Variants in TLL1 observed in about 807,000 individuals in gnomAD.
TLL1 encodes the protein tolloid like 1, also known as tolloid-like protein 1.
A neutral mutation model predicts 128.2 loss-of-function variants in TLL1; 49 were observed. That is an observed-to-expected ratio of 0.38 (90% CI 0.30 to 0.48). The LOEUF (loss-of-function observed/expected upper bound fraction) is 0.48. Ranked by LOEUF, TLL1 falls within the 20% of genes least tolerant of loss-of-function variation. The probability of loss-of-function intolerance (pLI) is 0.96; values close to 1 mark genes in which losing one functional copy is unlikely to be tolerated. For missense variants in TLL1, 1,123 were observed against 1,242.0 expected, an observed-to-expected ratio of 0.90 and a Z score of 1.44; for synonymous variants, 454 against 418.8, an observed-to-expected ratio of 1.08 and a Z score of -1.03.
intron 1 of TLL1, among the ~76,000 whole-genome samples, chr4:165,961,880 A>G (rs1220162609): frequency 6.6e-6 from 1 of 152,148 alleles, no homozygotes; most frequent in African/African-American, 2.4e-5. Context: ...TCATCTCAGT[A>G]GATGCAGAAA....
At chr4:166,093,136 A>G (rs1741852534) in intron 19 of TLL1, among the ~76,000 whole-genome samples, 2 of 152,190 alleles carry the variant, frequency 1.3e-5, no homozygotes, top group South Asian at 4.1e-4. Flanking sequence ...GAAAAGAAAT[A>G]AGACACGGAG....
intron 1 of TLL1, among the ~76,000 whole-genome samples, chr4:165,944,448 C>A (rs574495061): frequency 6.6e-6 from 1 of 152,056 alleles, no homozygotes. Context: ...GAAGGAAGAC[C>A]AGTGTTTCTG....
chr4:165,934,337 C>T (rs939852229), intron 1 of TLL1, among the ~76,000 whole-genome samples: 1 of 151,978 alleles, frequency 6.6e-6, no homozygotes, highest in Non-Finnish European at 1.5e-5. Flanking sequence ...TCTAAGTGCA[C>T]AATGCCTGCT....
chr4:165,962,518 C>G (rs535613881), intron 1 of TLL1, among the ~76,000 whole-genome samples: 2 of 152,216 alleles, frequency 1.3e-5, no homozygotes, highest in East Asian at 3.9e-4. Flanking sequence ...TTGGAGATTT[C>G]TCGAAGAACT....
intron 1 of TLL1, among the ~76,000 whole-genome samples, chr4:165,945,095 T>C (rs80074817): frequency 0.019 from 2,879 of 152,172 alleles, 95 homozygotes; most frequent in African/African-American, 0.065. Context: ...TTTGCAGAGT[T>C]AGCAAATAGA....
In TLL1 at chr4:166,103,602, T is replaced by C. The variant is rs1263445442; in HGVS notation, c.*2726T>C. On this transcript the variant is annotated 3_prime_UTR_variant, in exon 21 of 21. Coordinates refer to ENST00000061240, the MANE Select transcript of TLL1 (RefSeq NM_012464.5). ...ATAACTAGGTCTTCAACGTGAAAAT[T>C]AATTTTTATTGTATCATGTCAAGTA... 6.6e-6 allele frequency: 1 copy of C among 151,800 alleles called. No homozygotes were observed. Among genetic ancestry groups the C allele is most frequent in the Non-Finnish European group, 1.5e-5 (1 of 67,830 alleles). 9.4% of individuals were successfully genotyped at this position (151,800 alleles called of 1,614,324 possible). A position where few individuals can be genotyped will look rare whatever the true frequency, so the allele number is the denominator to read the frequency against.
intron 6 of TLL1, among the ~76,000 whole-genome samples, chr4:166,005,878 T>C (rs910361076): frequency 6.6e-6 from 1 of 151,860 alleles, no homozygotes; most frequent in Non-Finnish European, 1.5e-5. Context: ...GTAGTATAAA[T>C]AAATGCGCAA....
chr4:166,091,446 C>T (rs1476317593), intron 19 of TLL1, 105 bp downstream of exon 19: 5 of 968,698 alleles, frequency 5.2e-6, no homozygotes, highest in Non-Finnish European at 6.2e-6. Context: ...CCAAGCATAG[C>T]AGATAAAATT....
In TLL1 at chr4:165,995,167, T is replaced by C. The variant is rs778496143; in HGVS notation, c.621T>C (p.Tyr207=). 7 of 1,612,488 alleles carry C rather than the reference T, an allele frequency of 4.3e-6. No homozygotes were observed. The South Asian group carries it at 6.6e-5, about 15-fold the overall frequency. ...AAGAGAGTTACATTGTATTCACCTA[T>C]AGGCCTTGTGGGTAAGTAGAACTAG... The part of the protein sequence containing the change: ...SDEESYIVFT[Y]RPCGCCSYVG... The change falls in exon 5 of 21, where the codon TAT becomes TAC. Residue 207 remains tyrosine, a synonymous_variant. Transcript: ENST00000061240.
chr4:165,993,872 C>A (rs1307342414), intron 3 of TLL1, among the ~76,000 whole-genome samples: 1 of 151,986 alleles, frequency 6.6e-6, no homozygotes, highest in African/African-American at 2.4e-5. Context: ...AGGCTGAGAC[C>A]ATATTTGTCT....
At chr4:165,878,863 T>G (rs1350214575) in intron 1 of TLL1, among the ~76,000 whole-genome samples, 1 of 151,028 alleles carries the variant, frequency 6.6e-6, no homozygotes, top group Admixed American at 6.6e-5. Flanking sequence ...TAGAAAAGGC[T>G]TTTTGAAAAA....
intron 1 of TLL1, among the ~76,000 whole-genome samples, chr4:165,901,593 T>G (rs566648282): frequency 6.6e-6 from 1 of 152,282 alleles, no homozygotes; most frequent in East Asian, 1.9e-4. Context: ...TAGCAAAGAT[T>G]GCTGCCTGTT....
At chr4:166,015,478 G>C (rs1737894469) in intron 8 of TLL1, among the ~76,000 whole-genome samples, 1 of 151,886 alleles carries the variant, frequency 6.6e-6, no homozygotes, top group Admixed American at 6.6e-5. Flanking sequence ...TAGATAATTG[G>C]TTATGTTTAT....
chr4:165,975,304 A>T (rs1364316808), intron 1 of TLL1, among the ~76,000 whole-genome samples: 2 of 151,516 alleles, frequency 1.3e-5, no homozygotes, highest in African/African-American at 2.4e-5. Context: ...CATGGAAAAA[A>T]CTCTAGTAGT....
intron 1 of TLL1, among the ~76,000 whole-genome samples, chr4:165,919,555 C>T (rs1184578844): frequency 6.6e-6 from 1 of 151,636 alleles, no homozygotes; most frequent in Non-Finnish European, 1.5e-5. Flanking sequence ...TCTGTGTATT[C>T]CATAATTATT....
At chr4:165,977,336 T>G (rs940951067) in intron 1 of TLL1, among the ~76,000 whole-genome samples, 4 of 152,138 alleles carry the variant, frequency 2.6e-5, no homozygotes, top group Non-Finnish European at 5.9e-5. Context: ...AATGTTTGAC[T>G]GTTCCTCCTG....
At chr4:165,964,901 C>T (rs1735294522) in intron 1 of TLL1, among the ~76,000 whole-genome samples, 1 of 152,014 alleles carries the variant, frequency 6.6e-6, no homozygotes, top group Admixed American at 6.6e-5. Context: ...CACACCACTG[C>T]ACTCCAGACT....
intron 7 of TLL1, 25 bp from the exon 8 acceptor site, chr4:166,014,411 G>T: frequency 6.2e-7 from 1 of 1,611,430 alleles, no homozygotes; most frequent in Non-Finnish European, 8.5e-7. Context: ...TGACTTAGGT[G>T]TGGTTTGCTT....
intron 1 of TLL1, among the ~76,000 whole-genome samples, chr4:165,957,215 A>G (rs1004062606): frequency 6.6e-6 from 1 of 152,248 alleles, no homozygotes; most frequent in East Asian, 1.9e-4. Context: ...CTTACATTAG[A>G]CAAAATGACT....
Sources: allele counts gnomAD v4.1 joint callset (sites outside exome capture counted in the v4.1 genomes callset), GRCh38; gene constraint gnomAD v4.1.1; transcripts MANE v1.5; gene names NCBI Gene and HGNC (gene_info 2026-07-23, HGNC 2026-07-21).